Variants in DOCK10 observed in about 807,000 individuals in gnomAD.
DOCK10 encodes dedicator of cytokinesis protein 10.
Under a neutral mutation model 280.1 loss-of-function variants are expected in DOCK10, and 145 were observed. The observed-to-expected ratio is 0.52, with a 90% CI of 0.45 to 0.59. The LOEUF is 0.59. Ranked by LOEUF, DOCK10 falls within the 20% of genes least tolerant of loss-of-function variation. The pLI, the probability that DOCK10 is intolerant of heterozygous loss-of-function variation, is 0.00. For missense variants in DOCK10, 2,368 were observed against 2,651.7 expected, an observed-to-expected ratio of 0.89 and a Z score of 2.35; for synonymous variants, 915 against 942.2, an observed-to-expected ratio of 0.97 and a Z score of 0.53.
intron 16 of DOCK10, among the ~76,000 whole-genome samples, chr2:224,854,462 C>G (rs1164767007): frequency 1.3e-5 from 2 of 152,124 alleles, no homozygotes; most frequent in African/African-American, 4.8e-5. Flanking sequence ...TGCATGGCCA[C>G]TTGAGTGGCT....
intron 50 of DOCK10, among the ~76,000 whole-genome samples, chr2:224,785,702 G>A (rs910307916): frequency 2.0e-5 from 3 of 152,070 alleles, no homozygotes; most frequent in South Asian, 2.1e-4. Flanking sequence ...GGATGGTCTC[G>A]ATCTCCTGAC....
At chr2:224,851,458 T>TAAA (rs765444040) in intron 18 of DOCK10, among the ~76,000 whole-genome samples, 27 of 139,506 alleles carry the variant, frequency 1.9e-4, no homozygotes, top group Middle Eastern at 3.8e-3. Context: ...TTTTTTTTTT[T>TAAA]AAAAAAAAAA....
At position 224,862,586 on chromosome 2, in the gene DOCK10, CA is replaced by C. The variant is rs756291690; in HGVS notation, c.1685+77del. On this transcript the variant is annotated intron_variant, in intron 14 of 55. Transcript: ENST00000258390. ...GACACATTAAAAATAATAGGCAACA[CA>C]AAAACGTTCAAAACTGAAGCTTCCA... The C allele has an allele frequency of 4.1e-6, 5 of 1,209,870 alleles. No individual in the cohort carries two copies. The South Asian group carries it at 5.1e-5, about 12-fold the overall frequency. 74.9% of individuals were successfully genotyped at this position (1,209,870 alleles called of 1,614,324 possible).
chr2:224,950,159 A>G (rs1703647388), intron 1 of DOCK10, among the ~76,000 whole-genome samples: 1 of 152,212 alleles, frequency 6.6e-6, no homozygotes, highest in Non-Finnish European at 1.5e-5. Context: ...GATTGCAGAT[A>G]ATTTGACCCA....
chr2:224,775,074 C>T lies in DOCK10; in HGVS notation c.5844G>A (p.Gln1948=). ...KDLDPKYAYI[Q]VTYVTPFFEE... is the part of the protein sequence containing the mutation. ...CAAAGAACGGCGTCACATAGGTCAC[C>T]TGGATGTAGGCATATTTGGGGTCCA... Residue 1948 remains glutamine (Q), a synonymous_variant, in exon 52 of 56, where the codon CAG becomes CAA. Coordinates refer to ENST00000258390, the MANE Select transcript of DOCK10 (RefSeq NM_014689.3). 6.2e-7 allele frequency: 1 copy of T among 1,614,038 alleles called. No individual in the cohort carries two copies. Among genetic ancestry groups the T allele is most frequent in the Non-Finnish European group, 8.5e-7 (1 of 1,179,890 alleles).
At chr2:224,994,841 G>A (rs1405375349) in intron 1 of DOCK10, among the ~76,000 whole-genome samples, 1 of 152,148 alleles carries the variant, frequency 6.6e-6, no homozygotes, top group Non-Finnish European at 1.5e-5. Flanking sequence ...GAAGAACACG[G>A]TATTCCAAAA....
In DOCK10 at chr2:224,970,906, A is replaced by T. The variant is rs762032153; in HGVS notation, c.124-39238T>A. On this transcript the variant is annotated intron_variant, in intron 1 of 55. Coordinates refer to ENST00000258390, the MANE Select transcript of DOCK10 (RefSeq NM_014689.3). The surrounding 1 kb of genome is among the most constrained non-coding windows in gnomAD (Gnocchi z 4.6). ...CTAGCATCTATGTAGTTTCACTTAAAATTCTGCACATACCTTGGAACTATA... is the reference window on the plus strand; with the variant it reads ...CTAGCATCTATGTAGTTTCACTTAATATTCTGCACATACCTTGGAACTATA... Among the ~76,000 whole-genome samples, 56 of 152,306 alleles carry T rather than the reference A, an allele frequency of 3.7e-4. No homozygotes were observed. Among genetic ancestry groups the T allele is most frequent in the Non-Finnish European group, 7.2e-4 (49 of 68,028 alleles).
intron 2 of DOCK10, among the ~76,000 whole-genome samples, chr2:224,926,988 A>G (rs1300326737): frequency 1.3e-5 from 2 of 152,212 alleles, no homozygotes; most frequent in Non-Finnish European, 2.9e-5. Context: ...GGAGTGAAAA[A>G]GCAAACCAAG....
chr2:224,809,767 A>G (rs543936296), intron 31 of DOCK10, among the ~76,000 whole-genome samples: 2 of 152,154 alleles, frequency 1.3e-5, no homozygotes, highest in South Asian at 2.1e-4. Context: ...TACGGTCATT[A>G]TAGGAAACAG....
At chr2:224,917,944 C>G (rs1157990979) in intron 2 of DOCK10, among the ~76,000 whole-genome samples, 2 of 152,144 alleles carry the variant, frequency 1.3e-5, no homozygotes, top group Non-Finnish European at 2.9e-5. Flanking sequence ...TATTGCACAT[C>G]CCCCAAATCA....
intron 1 of DOCK10, among the ~76,000 whole-genome samples, chr2:225,009,545 G>A (rs1195342961): frequency 1.3e-5 from 2 of 151,794 alleles, no homozygotes; most frequent in African/African-American, 4.8e-5. Context: ...ATTTCACCTG[G>A]GTGGCTCTTG....
intron 2 of DOCK10, among the ~76,000 whole-genome samples, chr2:224,917,158 T>G (rs1463733344): frequency 1.5e-5 from 2 of 129,050 alleles, no homozygotes; most frequent in Non-Finnish European, 3.1e-5. Context: ...CAGGCTGGAG[T>G]GCAATGGCGT....
At chr2:224,784,316 T>C (rs1691582272) in intron 50 of DOCK10, among the ~76,000 whole-genome samples, 2 of 152,118 alleles carry the variant, frequency 1.3e-5, no homozygotes, top group Admixed American at 6.5e-5. Flanking sequence ...TAACCATCAC[T>C]CCAACTTCCA....
intron 1 of DOCK10, among the ~76,000 whole-genome samples, chr2:225,037,592 CTA>C (rs1330552521): frequency 6.6e-6 from 1 of 152,150 alleles, no homozygotes; most frequent in Non-Finnish European, 1.5e-5. Flanking sequence ...ATGTTTAACC[CTA>C]TGAGTCTCAC....
Position 224,845,533 on chromosome 2 carries a change from G to A in DOCK10, c.2345C>T (p.Ala782Val). The change falls in exon 20 of 56, where the codon GCT (alanine) becomes GTT (valine). Residue 782 changes from alanine to valine, a missense_variant. Around this residue, in one of 2 missense-constraint regions of DOCK10, gnomAD observed 1,209 missense variants for 1,250.9 expected, o/e 0.97. Coordinates refer to ENST00000258390, the MANE Select transcript of DOCK10 (RefSeq NM_014689.3). ...NAKANAKKKEALETSVGYAWL... is the reference protein window; with the variant it reads ...NAKANAKKKEVLETSVGYAWL... ...CCTGGCAGTACCTGACGTTTCCAGA[G>A]CCTCCTTCTTTTTGGCATTAGCTTT... 6.2e-7 allele frequency: 1 copy of A among 1,612,372 alleles called. No individual in the cohort carries two copies. The highest frequency in any genetic ancestry group is 1.7e-5 in the Admixed American group (1 of 59,724).
chr2:224,961,575 C>A (rs529847757), intron 1 of DOCK10, among the ~76,000 whole-genome samples: 1 of 148,680 alleles, frequency 6.7e-6, no homozygotes. Context: ...GGTGCGATCT[C>A]GGCTCACTGC....
rs1325530199 is a variant in DOCK10 at position 224,874,137 on chromosome 2, T to G, written c.1116A>C (p.Gln372His). The G allele has an allele frequency of 6.3e-6, 10 of 1,594,062 alleles. No homozygotes were observed. Among genetic ancestry groups the G allele is most frequent in the East Asian group, 4.5e-5 (2 of 44,666 alleles). The change falls in exon 11 of 56, where the codon CAA becomes CAC. Residue 372 changes from glutamine (Q) to histidine (H), a missense_variant. Around this residue, in one of 2 missense-constraint regions of DOCK10, gnomAD observed 1,209 missense variants for 1,250.9 expected, o/e 0.97. Coordinates refer to ENST00000258390, the MANE Select transcript of DOCK10 (RefSeq NM_014689.3). ...ACTCAGGTTCCAAGAGATCTTTTTTTTGAAGTTTCAAGGTCTAAAAAAGTT... is the reference window on the plus strand; with the variant it reads ...ACTCAGGTTCCAAGAGATCTTTTTTGTGAAGTTTCAAGGTCTAAAAAAGTT... Reference protein sequence around the residue: ...LDPDIDTLKLQKKDLLEPESV... With the variant: ...LDPDIDTLKLHKKDLLEPESV...
At position 224,800,137 on chromosome 2, in the gene DOCK10, A is replaced by G. The variant is rs1002442335; in HGVS notation, c.4506+14T>C. ...TTCATCATTTTTTGCAGAAAATGTT[A>G]TCATCATATTCACCTGATGAGTCTG... On this transcript the variant is annotated intron_variant, in intron 41 of 55. Coordinates refer to ENST00000258390, the MANE Select transcript of DOCK10 (RefSeq NM_014689.3). The G allele has an allele frequency of 8.1e-6, 12 of 1,472,954 alleles. No individual in the cohort carries two copies. The African/African-American group carries it at 1.4e-4, about 17-fold the overall frequency. The allele number at this position is 1,472,954 out of a possible 1,614,324, so 91.2% of individuals were successfully genotyped here. A position where few individuals can be genotyped will look rare whatever the true frequency, so the allele number is the denominator to read the frequency against.
chr2:224,786,898 AG>A lies in DOCK10; in HGVS notation c.5655+123del. 1 of 727,444 alleles carries A rather than the reference AG, an allele frequency of 1.4e-6. No individual in the cohort carries two copies. Among genetic ancestry groups the A allele is most frequent in the Non-Finnish European group, 2.4e-6 (1 of 411,448 alleles). 45.1% of individuals were successfully genotyped at this position (727,444 alleles called of 1,614,324 possible). On this transcript the variant is annotated intron_variant, in intron 50 of 55. Coordinates refer to ENST00000258390, the MANE Select transcript of DOCK10 (RefSeq NM_014689.3). The surrounding 1 kb of genome is among the most constrained non-coding windows in gnomAD (Gnocchi z 4.7). ...ACCATCACATCCAGAGAAACACTCAAGTATAGTCAGACACACCCACACCTCT... is the reference window on the plus strand; with the variant it reads ...ACCATCACATCCAGAGAAACACTCAATATAGTCAGACACACCCACACCTCT...
Sources: allele counts gnomAD v4.1 joint callset (sites outside exome capture counted in the v4.1 genomes callset), GRCh38; gene constraint gnomAD v4.1.1; regional missense constraint gnomAD v4.1.1; non-coding constraint Gnocchi (gnomAD v3.1); transcripts MANE v1.5; gene names NCBI Gene and HGNC (gene_info 2026-07-23, HGNC 2026-07-21).